Variants in DPP6 observed in about 807,000 individuals in gnomAD.
The protein encoded by DPP6 is dipeptidyl peptidase like 6.
DPP6 carries 69 observed loss-of-function variants against 122.6 expected under a neutral mutation model. The observed-to-expected ratio is 0.56, with a 90% CI of 0.46 to 0.69. DPP6 has a LOEUF of 0.69. Among genes scored for constraint, DPP6 ranks in the 30% least tolerant of loss-of-function variants. The pLI is 0.00. For synonymous variants in DPP6, 418 were observed against 433.1 expected (o/e 0.97, Z 0.43); for missense variants, 928 against 1,116.9 (o/e 0.83, Z 2.41).
At chr7:153,787,021 A>G in the DPP6 span, among the ~76,000 whole-genome samples, 100 of 144,178 alleles carry the variant, frequency 6.9e-4, no homozygotes, top group Admixed American at 1.1e-3. Context: ...GTGCGATCTC[A>G]GTTCACTGCA....
intron 1 of DPP6, among the ~76,000 whole-genome samples, chr7:154,431,502 TTTTCTTTCTTTTATTA>T (rs1241816079): frequency 3.2e-5 from 4 of 125,268 alleles, no homozygotes; most frequent in African/African-American, 1.0e-4. Flanking sequence ...TTTTCTTTTC[TTTTCTTTCTTTTATTA>T]TTTCTTTCTT....
intron 1 of DPP6, among the ~76,000 whole-genome samples, chr7:154,325,439 A>T (rs771579391): frequency 6.6e-6 from 1 of 152,180 alleles, no homozygotes; most frequent in East Asian, 1.9e-4. Flanking sequence ...AGTGCCCACA[A>T]TTCCTTCTGG....
At chr7:154,588,861 T>C (rs1219549707) in intron 5 of DPP6, among the ~76,000 whole-genome samples, 1 of 152,164 alleles carries the variant, frequency 6.6e-6, no homozygotes, top group Admixed American at 6.5e-5. Context: ...ACTGTGACAG[T>C]TTAGACTATT....
At chr7:153,774,590 C>A in the DPP6 span, among the ~76,000 whole-genome samples, 2 of 152,150 alleles carry the variant, frequency 1.3e-5, no homozygotes, top group African/African-American at 2.4e-5. Flanking sequence ...CAATTAAATA[C>A]ATTGAAGGAA....
chr7:153,894,330 C>A (rs952904254), intron 1 of DPP6, among the ~76,000 whole-genome samples: 1 of 152,208 alleles, frequency 6.6e-6, no homozygotes, highest in Non-Finnish European at 1.5e-5. Flanking sequence ...GTTGTGGGAG[C>A]CAATTTTATT....
At chr7:154,288,764 C>T (rs746589948) in intron 1 of DPP6, among the ~76,000 whole-genome samples, 1 of 152,144 alleles carries the variant, frequency 6.6e-6, no homozygotes, top group Non-Finnish European at 1.5e-5. Flanking sequence ...GTTTTAAGCA[C>T]TTCTGATATG....
chr7:154,060,182 C>A (rs1801509740), intron 1 of DPP6, among the ~76,000 whole-genome samples: 1 of 148,008 alleles, frequency 6.8e-6, no homozygotes. Flanking sequence ...GGGAGGCACC[C>A]CTCACGACAC....
chr7:154,097,055 C>G (rs555731036), intron 1 of DPP6, among the ~76,000 whole-genome samples: 1 of 152,370 alleles, frequency 6.6e-6, no homozygotes, highest in East Asian at 1.9e-4. Flanking sequence ...CTGCAGCTGC[C>G]TGTCTCCACA....
the DPP6 span, among the ~76,000 whole-genome samples, chr7:153,820,494 C>T: frequency 6.6e-6 from 1 of 152,194 alleles, no homozygotes; most frequent in African/African-American, 2.4e-5. Context: ...GAACATCCAT[C>T]ATCTCTGAAG....
intron 1 of DPP6, among the ~76,000 whole-genome samples, chr7:154,152,584 T>C (rs912825943): frequency 6.6e-6 from 1 of 152,258 alleles, no homozygotes; most frequent in African/African-American, 2.4e-5. Context: ...CAATCCATTT[T>C]GGGATTAGAA....
At chr7:154,079,607 A>G (rs1424144962) in intron 1 of DPP6, among the ~76,000 whole-genome samples, 2 of 152,214 alleles carry the variant, frequency 1.3e-5, no homozygotes, top group African/African-American at 4.8e-5. Flanking sequence ...TTTGAGGTGG[A>G]AAACAGACTG....
intron 7 of DPP6, among the ~76,000 whole-genome samples, chr7:154,716,873 G>T (rs910117840): frequency 6.6e-6 from 1 of 152,038 alleles, no homozygotes; most frequent in Non-Finnish European, 1.5e-5. Flanking sequence ...TTGCTCTGTT[G>T]CCCAGGCTGC....
At chr7:154,639,938 G>A (rs113058782) in intron 6 of DPP6, among the ~76,000 whole-genome samples, 2,638 of 152,160 alleles carry the variant, frequency 0.017, 31 homozygotes, top group Middle Eastern at 0.048. Context: ...GAGTCTCAGC[G>A]TAAGTCAGGC....
chr7:154,250,808 G>T (rs958227584), intron 1 of DPP6, among the ~76,000 whole-genome samples: 10 of 152,110 alleles, frequency 6.6e-5, no homozygotes, highest in South Asian at 2.1e-4. Flanking sequence ...CGTGCTGGGG[G>T]TGGGGTGCGT....
chr7:153,796,360 C>T, the DPP6 span, among the ~76,000 whole-genome samples: 2 of 139,258 alleles, frequency 1.4e-5, no homozygotes, highest in Admixed American at 1.5e-4. Context: ...TGAAATGATC[C>T]CTGTATCCCT....
chr7:154,858,255 C>T (rs1803004950), intron 17 of DPP6: 1 of 152,250 alleles, frequency 6.6e-6, no homozygotes, highest in African/African-American at 2.4e-5. Context: ...CTATTATCCC[C>T]ACTTGTCAGC....
chr7:154,501,967 A>G (rs11976788), intron 3 of DPP6, among the ~76,000 whole-genome samples: 77,135 of 151,960 alleles, frequency 0.51, 19,763 homozygotes, highest in Middle Eastern at 0.6. Flanking sequence ...CAAAACCATA[A>G]GAACCCACCT....
At chr7:154,325,925 G>A (rs1185562720) in intron 1 of DPP6, among the ~76,000 whole-genome samples, 1 of 152,074 alleles carries the variant, frequency 6.6e-6, no homozygotes, top group African/African-American at 2.4e-5. Flanking sequence ...CCATATAAGA[G>A]GCATGCATCA....
At chr7:154,261,659 C>G (rs1301561716) in intron 1 of DPP6, among the ~76,000 whole-genome samples, 1 of 151,926 alleles carries the variant, frequency 6.6e-6, no homozygotes, top group Non-Finnish European at 1.5e-5. Flanking sequence ...GGACTAATAT[C>G]CAGACTCTAC....
Sources: gnomAD v4.1 joint callset for allele counts (sites outside exome capture counted in the v4.1 genomes callset) on GRCh38, gnomAD v4.1.1 for gene constraint, MANE v1.5 for transcripts, NCBI Gene and HGNC (gene_info 2026-07-23, HGNC 2026-07-21) for gene names.